The following SGCD variants were observed in gnomAD, a reference collection of about 807,000 sequenced individuals.
SGCD encodes sarcoglycan delta, also known as delta-sarcoglycan.
Under a neutral mutation model 36.6 loss-of-function variants are expected in SGCD, and 18 were observed. That is an observed-to-expected ratio of 0.49 (90% confidence interval 0.34 to 0.73). SGCD has a LOEUF of 0.73. Ranked by LOEUF, SGCD falls within the 30% of genes least tolerant of loss-of-function variation. The pLI is 0.01. For missense variants in SGCD, 387 were observed against 346.7 expected, an observed-to-expected ratio of 1.12 and a Z score of -0.92; for synonymous variants, 133 against 130.6, an observed-to-expected ratio of 1.02 and a Z score of -0.12.
upstream of SGCD, among the ~76,000 whole-genome samples, chr5:156,325,927 C>T (rs532902987): frequency 1.1e-3 from 164 of 152,230 alleles, no homozygotes; most frequent in African/African-American, 3.5e-3. Flanking sequence ...GCTAAACTCA[C>T]GACCCCACCG....
chr5:156,740,172 T>A (rs1485866684), intron 7 of SGCD, among the ~76,000 whole-genome samples: 1 of 152,206 alleles, frequency 6.6e-6, no homozygotes. Flanking sequence ...GCCAATATCA[T>A]GTTCTTAAAG....
At position 156,536,004 on chromosome 5, in the gene SGCD, CAT is replaced by C. The variant is rs1561762335; in HGVS notation, c.294+27304_294+27305del. Among the ~76,000 whole-genome samples the C allele has an allele frequency of 3.3e-5, 5 of 152,184 alleles. 1 individual carries two copies. The highest frequency in any genetic ancestry group is 7.4e-5 in the Non-Finnish European group (5 of 68,000). ...AAGAATAAGAAAGATGCGTATGAGACATAAGTAATTTAGGGATCATTGGTTCT... is the reference window on the plus strand; with the variant it reads ...AAGAATAAGAAAGATGCGTATGAGACAAGTAATTTAGGGATCATTGGTTCT... On this transcript the variant is annotated intron_variant, in intron 4 of 8. Transcript: ENST00000337851.
chr5:156,554,600 TGC>T (rs1182419290), intron 4 of SGCD, among the ~76,000 whole-genome samples: 1 of 149,262 alleles, frequency 6.7e-6, no homozygotes, highest in Non-Finnish European at 1.5e-5. Flanking sequence ...TATATATATA[TGC>T]ATATAACATA....
chr5:156,474,788 G>T (rs1358965131), intron 3 of SGCD, among the ~76,000 whole-genome samples: 2 of 152,144 alleles, frequency 1.3e-5, no homozygotes, highest in African/African-American at 4.8e-5. Context: ...AGTTAGTTTG[G>T]CCTATTTTGC....
chr5:156,153,445 A>G (rs1388219356), intron 3 of SGCD, among the ~76,000 whole-genome samples: 1 of 151,636 alleles, frequency 6.6e-6, no homozygotes, highest in Non-Finnish European at 1.5e-5. Context: ...AAAATAAGTA[A>G]ACATCACTGG....
intron 3 of SGCD, among the ~76,000 whole-genome samples, chr5:156,182,458 G>T (rs554198742): frequency 4.2e-4 from 64 of 152,290 alleles, no homozygotes; most frequent in African/African-American, 1.5e-3. Context: ...AGGCATGATG[G>T]CACAGGCCTG....
chr5:156,631,066 C>T (rs1762613402), intron 6 of SGCD, among the ~76,000 whole-genome samples: 1 of 152,120 alleles, frequency 6.6e-6, no homozygotes. Context: ...TTAATAGGTC[C>T]TCCCAGAAAC....
chr5:155,832,403 C>G, the SGCD span, among the ~76,000 whole-genome samples: 1 of 152,112 alleles, frequency 6.6e-6, no homozygotes, highest in Non-Finnish European at 1.5e-5. Context: ...CTCTTAATAC[C>G]TCAGTATCTT....
chr5:156,296,584 A>G (rs1766898223), intron 3 of SGCD, among the ~76,000 whole-genome samples: 1 of 152,116 alleles, frequency 6.6e-6, no homozygotes, highest in African/African-American at 2.4e-5. Flanking sequence ...AATATTCACA[A>G]ACTTGTGAAT....
intron 3 of SGCD, among the ~76,000 whole-genome samples, chr5:156,240,832 A>C (rs1177495321): frequency 6.6e-6 from 1 of 152,200 alleles, no homozygotes; most frequent in Non-Finnish European, 1.5e-5. Flanking sequence ...AACAAACAAA[A>C]CCAAAAGCCG....
At chr5:156,677,363 C>A (rs1164790552) in intron 7 of SGCD, among the ~76,000 whole-genome samples, 1 of 152,164 alleles carries the variant, frequency 6.6e-6, no homozygotes, top group Non-Finnish European at 1.5e-5. Flanking sequence ...ATGTCCTTTG[C>A]AGGGACATGG....
intron 3 of SGCD, among the ~76,000 whole-genome samples, chr5:156,299,861 T>A (rs771796344): frequency 1.3e-5 from 2 of 152,172 alleles, no homozygotes; most frequent in Non-Finnish European, 2.9e-5. Flanking sequence ...TTTCCAAATG[T>A]AAGATCATAT....
At chr5:156,011,033 A>G (rs1394012702) in intron 1 of SGCD, among the ~76,000 whole-genome samples, 2 of 152,210 alleles carry the variant, frequency 1.3e-5, no homozygotes, top group African/African-American at 4.8e-5. Flanking sequence ...AGTTTTGATA[A>G]TTAAAAACAT....
At chr5:156,220,144 A>T (rs1156464480) in intron 3 of SGCD, among the ~76,000 whole-genome samples, 1 of 152,184 alleles carries the variant, frequency 6.6e-6, no homozygotes. Context: ...CTGTCATGGT[A>T]ATTCAAGGTT....
At chr5:155,782,526 T>G in the SGCD span, among the ~76,000 whole-genome samples, 1 of 152,190 alleles carries the variant, frequency 6.6e-6, no homozygotes, top group East Asian at 1.9e-4. Context: ...TCAGTAACTG[T>G]CTCAGGGGGG....
At chr5:155,889,679 A>T (rs1756079982) in intron 1 of SGCD, among the ~76,000 whole-genome samples, 1 of 152,226 alleles carries the variant, frequency 6.6e-6, no homozygotes, top group Non-Finnish European at 1.5e-5. Context: ...ATGATTGGAA[A>T]GGTAGTCAGG....
At chr5:155,925,836 C>T (rs919844340) in intron 1 of SGCD, among the ~76,000 whole-genome samples, 5 of 152,112 alleles carry the variant, frequency 3.3e-5, no homozygotes, top group Admixed American at 6.5e-5. Context: ...AGGCTGGTCT[C>T]GAACTCCTGG....
chr5:156,023,430 C>T (rs1272425754), intron 1 of SGCD, among the ~76,000 whole-genome samples: 1 of 152,192 alleles, frequency 6.6e-6, no homozygotes, highest in Non-Finnish European at 1.5e-5. Context: ...AGTTCAGGAA[C>T]TTTTCTGTCT....
intron 1 of SGCD, among the ~76,000 whole-genome samples, chr5:156,084,628 G>A (rs1761050607): frequency 6.6e-6 from 1 of 152,132 alleles, no homozygotes; most frequent in African/African-American, 2.4e-5. Context: ...TGTAGACAGT[G>A]AAGTCCTCTG....
Sources: allele counts gnomAD v4.1 joint callset (sites outside exome capture counted in the v4.1 genomes callset), GRCh38; gene constraint gnomAD v4.1.1; transcripts MANE v1.5; gene names NCBI Gene and HGNC (gene_info 2026-07-23, HGNC 2026-07-21).